Variants in RYR3 observed in about 807,000 individuals in gnomAD.
RYR3 encodes the protein brain ryanodine receptor-calcium release channel.
A neutral mutation model predicts 584.3 loss-of-function variants in RYR3; 207 were observed. That is an observed-to-expected ratio of 0.35 (90% confidence interval 0.32 to 0.40). The LOEUF (loss-of-function observed/expected upper bound fraction) is 0.40. Ranked by LOEUF, RYR3 falls within the 10% of genes least tolerant of loss-of-function variation. The pLI is 1.00. For synonymous variants in RYR3, 2,416 were observed against 2,248.5 expected (o/e 1.07, Z -2.11); for missense variants, 5,616 against 6,089.2 (o/e 0.92, Z 2.59).
At chr15:33,324,833 A>G (rs1054689791) in intron 1 of RYR3, among the ~76,000 whole-genome samples, 6 of 152,352 alleles carry the variant, frequency 3.9e-5, no homozygotes, top group African/African-American at 1.4e-4. Context: ...ACACAAAGTT[A>G]AAAACCCAAC....
intron 1 of RYR3, among the ~76,000 whole-genome samples, chr15:33,348,990 C>T (rs1480213415): frequency 6.6e-6 from 1 of 151,740 alleles, no homozygotes; most frequent in Non-Finnish European, 1.5e-5. Flanking sequence ...TTGCCATTTC[C>T]GAAAGGTCAT....
rs1010102617 is a variant in RYR3, at chr15:33,775,479, A to G, written c.9137+1864A>G. Among the ~76,000 whole-genome samples, 8 of 152,270 alleles carry G rather than the reference A, an allele frequency of 5.3e-5. No individual in the cohort carries two copies. In the East Asian group the frequency reaches 7.7e-4, roughly 15 times the overall value. On this transcript the variant is annotated intron_variant, in intron 64 of 103. Coordinates refer to ENST00000634891, the MANE Select transcript of RYR3 (RefSeq NM_001036.6). ...TGTGTTTAGCCCTAGCAATGTACCAACGCTCAGCCTCTCATGTTCTCCCCC... is the reference window on the plus strand; with the variant it reads ...TGTGTTTAGCCCTAGCAATGTACCAGCGCTCAGCCTCTCATGTTCTCCCCC...
chr15:33,629,539 G>A lies in RYR3; in HGVS notation c.2680-401G>A, dbSNP rs111277051. Among the ~76,000 whole-genome samples the A allele has an allele frequency of 9.1e-3, 1,389 of 152,168 alleles. 23 individuals carry two copies. Among genetic ancestry groups the A allele is most frequent in the African/African-American group, 0.032 (1,330 of 41,514 alleles). On this transcript the variant is annotated intron_variant, in intron 21 of 103. Coordinates refer to ENST00000634891, the MANE Select transcript of RYR3 (RefSeq NM_001036.6). ...ATTTGAAATTACAAATGTGCTTCAC[G>A]TTTGTGGCTGACTTTTGGTTCTACT...
intron 1 of RYR3, 55 bp from the exon 2 acceptor site, chr15:33,473,364 G>C (rs2049097956): frequency 1.2e-6 from 2 of 1,610,998 alleles, no homozygotes; most frequent in Non-Finnish European, 1.7e-6. Flanking sequence ...AGGTGACTCG[G>C]GGCCTGGCTC....
chr15:33,415,219 A>C (rs1164898587), intron 1 of RYR3, among the ~76,000 whole-genome samples: 1 of 152,222 alleles, frequency 6.6e-6, no homozygotes, highest in South Asian at 2.1e-4. Flanking sequence ...GGTTGAGTAA[A>C]TATGATTGAA....
At chr15:33,556,740 T>G (rs1221837344) in intron 10 of RYR3, among the ~76,000 whole-genome samples, 1 of 152,122 alleles carries the variant, frequency 6.6e-6, no homozygotes, top group Non-Finnish European at 1.5e-5. Flanking sequence ...GTGCCCCTTT[T>G]ACTAGAAAGC....
intron 38 of RYR3, among the ~76,000 whole-genome samples, chr15:33,682,246 C>T (rs1371809658): frequency 6.6e-6 from 1 of 152,158 alleles, no homozygotes; most frequent in Non-Finnish European, 1.5e-5. Context: ...CAATGAGTGA[C>T]ACCTGGACTC....
intron 1 of RYR3, among the ~76,000 whole-genome samples, chr15:33,450,173 C>T (rs895079167): frequency 6.7e-6 from 1 of 148,172 alleles, no homozygotes; most frequent in Non-Finnish European, 1.5e-5. Context: ...GGGGCATCCA[C>T]ACCCTGCATG....
Position 33,483,439 on chromosome 15 carries a change from G to C in RYR3, c.171+9901G>C. 1.3e-5 allele frequency among the ~76,000 whole-genome samples: 2 copies of C among 152,128 alleles called. 1 individual carries two copies. The highest frequency in any genetic ancestry group is 2.9e-5 in the Non-Finnish European group (2 of 68,036). ...CTGGTTTCTGTTGTCTGCCCCCTGA[G>C]GAATATTGTATTTTGTTGTAGCTGG... On this transcript the variant is annotated intron_variant, in intron 2 of 103. Coordinates refer to ENST00000634891, the MANE Select transcript of RYR3 (RefSeq NM_001036.6).
chr15:33,717,731 G>C (rs1030532728), intron 43 of RYR3, among the ~76,000 whole-genome samples: 1 of 152,158 alleles, frequency 6.6e-6, no homozygotes, highest in Non-Finnish European at 1.5e-5. Flanking sequence ...TCTGCTGCAG[G>C]TCCACAGGTC....
At chr15:33,546,589 T>C (rs974715977) in intron 8 of RYR3, among the ~76,000 whole-genome samples, 1 of 152,220 alleles carries the variant, frequency 6.6e-6, no homozygotes, top group African/African-American at 2.4e-5. Context: ...CTATGCATGT[T>C]TATAAACATT....
chr15:33,729,739 C>T (rs1209518995), intron 47 of RYR3, among the ~76,000 whole-genome samples: 3 of 151,962 alleles, frequency 2.0e-5, no homozygotes, highest in East Asian at 3.9e-4. Context: ...AGTCATAGGT[C>T]CAAGGAGAAA....
intron 41 of RYR3, among the ~76,000 whole-genome samples, chr15:33,700,429 T>A (rs902085981): frequency 6.6e-6 from 1 of 152,236 alleles, no homozygotes; most frequent in African/African-American, 2.4e-5. Flanking sequence ...CACAAATACT[T>A]GCACTTGAAA....
intron 1 of RYR3, among the ~76,000 whole-genome samples, chr15:33,379,703 A>ATG (rs1344963309): frequency 7.1e-6 from 1 of 139,928 alleles, no homozygotes; most frequent in Non-Finnish European, 1.5e-5. Flanking sequence ...ATATATATAT[A>ATG]TATATGAATT....
chr15:33,770,999 C>G (rs4620925), intron 62 of RYR3, among the ~76,000 whole-genome samples: 59,884 of 151,950 alleles, frequency 0.39, 11,945 homozygotes, highest in South Asian at 0.53. Flanking sequence ...GGCTTCAAAT[C>G]TCCATAGCTG....
At chr15:33,542,233 G>A (rs1205855928) in intron 7 of RYR3, among the ~76,000 whole-genome samples, 2 of 152,030 alleles carry the variant, frequency 1.3e-5, no homozygotes, top group Non-Finnish European at 2.9e-5. Flanking sequence ...CTATGGCCCT[G>A]ATAGATTTCA....
chr15:33,637,170 T>C (rs1360231961), intron 27 of RYR3, among the ~76,000 whole-genome samples: 1 of 152,226 alleles, frequency 6.6e-6, no homozygotes, highest in Non-Finnish European at 1.5e-5. Context: ...CTTGTCTATA[T>C]AACTACATTA....
Position 33,816,931 on chromosome 15 carries a change from T to G in RYR3, c.10572T>G (p.Phe3524Leu). 6.2e-7 allele frequency: 1 copy of G among 1,610,486 alleles called. No homozygotes were observed. Among genetic ancestry groups the G allele is most frequent in the Non-Finnish European group, 8.5e-7 (1 of 1,177,776 alleles). ...RFWIETEEYSFEEKLVQDLAK... is the reference protein window; with the variant it reads ...RFWIETEEYSLEEKLVQDLAK... Reference sequence around the variant, plus strand: ...GGATAGAAACAGAGGAGTATTCCTTTGAAGAGAAACTAGTACAGGATTTGG... The same window carrying G: ...GGATAGAAACAGAGGAGTATTCCTTGGAAGAGAAACTAGTACAGGATTTGG... The change falls in exon 75 of 104, where the codon TTT becomes TTG. Residue 3524 changes from phenylalanine to leucine, a missense_variant. Physicochemically the swap from Phe to Leu is conservative, Grantham distance 22 (BLOSUM62 0). Transcript: ENST00000634891.
At chr15:33,385,920 G>C (rs1317551850) in intron 1 of RYR3, among the ~76,000 whole-genome samples, 1 of 151,804 alleles carries the variant, frequency 6.6e-6, no homozygotes, top group Non-Finnish European at 1.5e-5. Context: ...ACCTAGGCTG[G>C]TCACAAACTC....
Sources: gnomAD v4.1 joint callset for allele counts (sites outside exome capture counted in the v4.1 genomes callset) on GRCh38, gnomAD v4.1.1 for gene constraint, MANE v1.5 for transcripts, NCBI Gene and HGNC (gene_info 2026-07-23, HGNC 2026-07-21) for gene names.